DNAJC16: variants seen among roughly 807,000 people sequenced by gnomAD.
The protein encoded by DNAJC16 is dnaJ homolog subfamily C member 16.
Under a neutral mutation model 92.7 loss-of-function variants are expected in DNAJC16, and 76 were observed. The ratio of observed to expected loss-of-function variants is 0.82; its 90% CI spans 0.68 to 0.99. The LOEUF is 0.99. DNAJC16 is among the 50% of genes least tolerant of loss of function. The probability of loss-of-function intolerance (pLI) is 0.00; values close to 1 mark genes in which losing one functional copy is unlikely to be tolerated. For missense variants in DNAJC16, 869 were observed against 942.4 expected (o/e 0.92, Z 1.02); for synonymous variants, 328 against 358.7 (o/e 0.91, Z 0.97).
At chr1:15,548,145 A>ATACAAGTATACAAGGATACAGCT in intron 6 of DNAJC16, 125 bp from the exon 7 acceptor site, 1 of 809,266 alleles carries the variant, frequency 1.2e-6, no homozygotes, top group Non-Finnish European at 1.9e-6. Flanking sequence ...GATACGGAAG[A>ATACAAGTATACAAGGATACAGCT]CCTAGTGGAG....
intron 7 of DNAJC16, among the ~76,000 whole-genome samples, chr1:15,558,205 G>T (rs1021557104): frequency 3.9e-5 from 5 of 127,550 alleles, no homozygotes; most frequent in African/African-American, 1.6e-4. Flanking sequence ...TCTTGAGACA[G>T]GGTCTCAGTC....
At chr1:15,548,132 A>G in intron 6 of DNAJC16, 138 bp from the exon 7 acceptor site, 1 of 700,302 alleles carries the variant, frequency 1.4e-6, no homozygotes, top group Admixed American at 3.1e-5. Flanking sequence ...GGAAGTATAC[A>G]AGGATACGGA....
intron 11 of DNAJC16, chr1:15,565,636 T>G: frequency 2.6e-6 from 1 of 379,208 alleles, no homozygotes. Flanking sequence ...AAGTCCTTTA[T>G]TATCCCTTTT....
chr1:15,564,143 C>T, intron 10 of DNAJC16, 32 bp downstream of exon 10: 1 of 1,612,018 alleles, frequency 6.2e-7, no homozygotes, highest in Non-Finnish European at 8.5e-7. Flanking sequence ...GGTGGGACAC[C>T]AGGAGGGCTT....
intron 6 of DNAJC16, 128 bp downstream of exon 6, chr1:15,546,999 A>T: frequency 1.4e-6 from 1 of 730,240 alleles, no homozygotes. Context: ...AAACAGTTTC[A>T]TCCATGAGAA....
chr1:15,532,956 AT>A (rs1419735569), intron 2 of DNAJC16, among the ~76,000 whole-genome samples: 4 of 151,948 alleles, frequency 2.6e-5, no homozygotes, highest in South Asian at 4.2e-4. Context: ...TAAGTTGTAG[AT>A]TTTTTTTTAT....
chr1:15,540,270 G>A (rs2103409013), intron 4 of DNAJC16, among the ~76,000 whole-genome samples: 1 of 152,256 alleles, frequency 6.6e-6, no homozygotes, highest in Admixed American at 6.5e-5. Context: ...AGGTTGCAGT[G>A]AGCTGAGATT....
chr1:15,545,330 A>G lies in DNAJC16; in HGVS notation c.759+747A>G, dbSNP rs1247265856. The stretch of plus-strand genomic sequence containing the variant: ...ATTCCTAGACTGTCCTACTGGGATC[A>G]TTATCTATAGGAGAAATATTTGTTG... On this transcript the variant is annotated intron_variant, in intron 5 of 14. Transcript: ENST00000375847. 2.0e-5 allele frequency among the ~76,000 whole-genome samples: 3 copies of G among 152,356 alleles called. No homozygotes were observed. In the East Asian group the frequency reaches 5.8e-4, roughly 29 times the overall value.
rs1168862428 is a variant in DNAJC16, at chr1:15,570,306, T to C, written c.*2129T>C. ...CTTTTGGTTTGGTAGTAGGTTTTTA[T>C]TTTTAATTTCTGTACTAATGAAATT... is the stretch of plus-strand genomic sequence containing the variant. On this transcript the variant is annotated 3_prime_UTR_variant, in exon 15 of 15. Coordinates refer to ENST00000375847, the MANE Select transcript of DNAJC16 (RefSeq NM_015291.4). 2 of 152,206 alleles carry C rather than the reference T, an allele frequency of 1.3e-5. No homozygotes were observed. The allele number at this position is 152,206 out of a possible 1,614,324, so 9.4% of individuals were successfully genotyped here.
intron 4 of DNAJC16, among the ~76,000 whole-genome samples, chr1:15,541,962 C>A (rs114976682): frequency 2.1e-3 from 318 of 152,188 alleles, no homozygotes; most frequent in African/African-American, 7.3e-3. Context: ...CTTGGAATTT[C>A]CTGCAGGATG....
rs1638944636 is a variant in DNAJC16 at position 15,571,371 on chromosome 1, G to A, written c.*3194G>A. ...AGATTGGAAGCACATACTCAGACCTGTTTTGTTAACTAGAATTCTTTAAAA... is the reference window on the plus strand; with the variant it reads ...AGATTGGAAGCACATACTCAGACCTATTTTGTTAACTAGAATTCTTTAAAA... On this transcript the variant is annotated 3_prime_UTR_variant, in exon 15 of 15. Coordinates refer to ENST00000375847, the MANE Select transcript of DNAJC16 (RefSeq NM_015291.4). 6.6e-6 allele frequency: 1 copy of A among 152,586 alleles called. No individual in the cohort carries two copies. Among genetic ancestry groups the A allele is most frequent in the Non-Finnish European group, 1.5e-5 (1 of 68,044 alleles). The allele number at this position is 152,586 out of a possible 1,614,324, so 9.5% of individuals were successfully genotyped here.
chr1:15,557,898 A>G (rs577941720), intron 7 of DNAJC16, among the ~76,000 whole-genome samples: 1 of 151,710 alleles, frequency 6.6e-6, no homozygotes, highest in African/African-American at 2.4e-5. Flanking sequence ...ATGCCCAGCT[A>G]ACAACTTTTT....
At chr1:15,563,906 T>C in intron 9 of DNAJC16, 23 bp from the exon 10 acceptor site, 1 of 1,585,456 alleles carries the variant, frequency 6.3e-7, no homozygotes, top group Non-Finnish European at 8.6e-7. Flanking sequence ...ACTTCTGATG[T>C]TTTTTCTCTA....
At chr1:15,563,002 C>G (rs1020362735) in intron 9 of DNAJC16, among the ~76,000 whole-genome samples, 10 of 150,452 alleles carry the variant, frequency 6.6e-5, no homozygotes, top group Admixed American at 2.7e-4. Flanking sequence ...TTTCTGCCCC[C>G]CTCTGCCTCT....
At chr1:15,564,202 G>A in intron 10 of DNAJC16, 81 bp from the exon 11 acceptor site, 4 of 1,555,256 alleles carry the variant, frequency 2.6e-6, no homozygotes, top group Non-Finnish European at 3.5e-6. Flanking sequence ...CAGAGGTCCA[G>A]CAGCAGCACT....
intron 2 of DNAJC16, among the ~76,000 whole-genome samples, chr1:15,533,037 T>C (rs1165139728): frequency 6.6e-6 from 1 of 152,198 alleles, no homozygotes; most frequent in Non-Finnish European, 1.5e-5. Context: ...CCAGAACCTA[T>C]GTCAGAGGAA....
At chr1:15,567,319 G>A (rs2103429858) in intron 14 of DNAJC16, 50 bp downstream of exon 14, 1 of 1,529,154 alleles carries the variant, frequency 6.5e-7, no homozygotes, top group Non-Finnish European at 9.0e-7. Flanking sequence ...AGAGAGAGAG[G>A]CAGGCACACT....
At chr1:15,548,090 G>A (rs1638352799) in intron 6 of DNAJC16, among the ~76,000 whole-genome samples, 180 bp from the exon 7 acceptor site, 1 of 152,114 alleles carries the variant, frequency 6.6e-6, no homozygotes, top group African/African-American at 2.4e-5. Context: ...TACTTTGTTG[G>A]TACAGTTTTT....
At chr1:15,548,635 A>G (rs1638369378) in intron 7 of DNAJC16, among the ~76,000 whole-genome samples, 1 of 152,210 alleles carries the variant, frequency 6.6e-6, no homozygotes, top group Non-Finnish European at 1.5e-5. Context: ...GCACCTTTAA[A>G]GGGCTCCTGT....
Sources: gnomAD v4.1 joint callset for allele counts (sites outside exome capture counted in the v4.1 genomes callset) on GRCh38, gnomAD v4.1.1 for gene constraint, MANE v1.5 for transcripts, NCBI Gene and HGNC (gene_info 2026-07-23, HGNC 2026-07-21) for gene names.